SOX6: variants seen among roughly 807,000 people sequenced by gnomAD.
The protein encoded by SOX6 is transcription factor SOX-6.
A neutral mutation model predicts 97.8 loss-of-function variants in SOX6; 11 were observed. The ratio of observed to expected loss-of-function variants is 0.11; its 90% CI spans 0.07 to 0.19. SOX6 has a LOEUF of 0.19. SOX6 is among the 10% of genes least tolerant of loss of function. The pLI is 1.00. For missense variants in SOX6, 810 were observed against 1,039.5 expected (o/e 0.78, Z 3.04); for synonymous variants, 360 against 371.4 (o/e 0.97, Z 0.35).
intron 4 of SOX6, among the ~76,000 whole-genome samples, chr11:16,226,739 AC>A (rs869097040): frequency 3.0e-5 from 1 of 33,146 alleles, no homozygotes; most frequent in South Asian, 3.5e-3. Context: ...ATATTTCTTC[AC>A]CCCTGTCTCT....
chr11:16,456,687 T>C (rs1386915048), intron 1 of SOX6, among the ~76,000 whole-genome samples: 1 of 152,098 alleles, frequency 6.6e-6, no homozygotes, highest in Non-Finnish European at 1.5e-5. Context: ...CCAAAAAGGG[T>C]GCTGAAAAAT....
chr11:16,167,094 C>G (rs370110038), intron 6 of SOX6, among the ~76,000 whole-genome samples: 1 of 152,176 alleles, frequency 6.6e-6, no homozygotes, highest in African/African-American at 2.4e-5. Context: ...AAACGGATCT[C>G]TAATAAGTAT....
At chr11:16,210,677 A>T (rs1276359742) in intron 4 of SOX6, among the ~76,000 whole-genome samples, 1 of 152,224 alleles carries the variant, frequency 6.6e-6, no homozygotes, top group East Asian at 1.9e-4. Flanking sequence ...CAACTACTCC[A>T]AACAGCCTTC....
intron 1 of SOX6, among the ~76,000 whole-genome samples, chr11:16,355,591 C>T (rs546336469): frequency 1.3e-5 from 2 of 152,080 alleles, no homozygotes; most frequent in East Asian, 1.9e-4. Flanking sequence ...CAGTGGTCTG[C>T]TTGTCAGTTG....
chr11:16,524,987 C>G (rs973303220), intron 4 of SOX6, among the ~76,000 whole-genome samples: 45 of 152,284 alleles, frequency 3.0e-4, no homozygotes, highest in African/African-American at 1.0e-3. Flanking sequence ...AAAGAGGATA[C>G]AAACAACTGG....
intron 4 of SOX6, among the ~76,000 whole-genome samples, chr11:16,213,910 A>C (rs1365824887): frequency 1.3e-5 from 2 of 152,222 alleles, no homozygotes; most frequent in Non-Finnish European, 2.9e-5. Flanking sequence ...GGTATCATAG[A>C]AACGTCTTGT....
intron 6 of SOX6, among the ~76,000 whole-genome samples, chr11:16,143,325 C>T (rs1237150513): frequency 1.3e-5 from 2 of 152,148 alleles, no homozygotes; most frequent in African/African-American, 2.4e-5. Context: ...ACCACCAGGC[C>T]TGCCCTAAAA....
intron 6 of SOX6, among the ~76,000 whole-genome samples, chr11:16,136,352 T>G (rs1003752195): frequency 4.0e-5 from 6 of 150,708 alleles, no homozygotes; most frequent in African/African-American, 1.5e-4. Flanking sequence ...TGGTTTTTTT[T>G]TTTTTTTTTT....
intron 1 of SOX6, among the ~76,000 whole-genome samples, chr11:16,413,539 A>G (rs796924089): frequency 0.045 from 1,405 of 31,218 alleles, 30 homozygotes; most frequent in African/African-American, 0.14. Context: ...TTTTTTTTTT[A>G]GATGGAGTTT....
chr11:16,095,557 C>T (rs72866373), intron 9 of SOX6, among the ~76,000 whole-genome samples: 2,001 of 151,906 alleles, frequency 0.013, 15 homozygotes, highest in Non-Finnish European at 0.022. Flanking sequence ...GGTTAAATAA[C>T]TTAACCTCTC....
intron 4 of SOX6, among the ~76,000 whole-genome samples, chr11:16,538,373 T>C (rs1377771981): frequency 6.6e-6 from 1 of 151,752 alleles, no homozygotes; most frequent in South Asian, 2.1e-4. Context: ...GCAAAAACAT[T>C]CCAAGTTGTA....
intron 4 of SOX6, among the ~76,000 whole-genome samples, chr11:16,188,317 G>T (rs966884833): frequency 2.7e-5 from 4 of 150,624 alleles, no homozygotes; most frequent in African/African-American, 9.8e-5. Flanking sequence ...CAAAATTAAA[G>T]GAAAAATAAA....
chr11:16,136,239 C>T (rs541317670), intron 6 of SOX6, among the ~76,000 whole-genome samples: 2 of 151,878 alleles, frequency 1.3e-5, no homozygotes, highest in African/African-American at 4.8e-5. Context: ...AGGATGGTCT[C>T]GATCTCCTGA....
At chr11:16,727,984 G>C (rs186448133) in intron 2 of SOX6, among the ~76,000 whole-genome samples, 2 of 152,092 alleles carry the variant, frequency 1.3e-5, no homozygotes, top group East Asian at 3.9e-4. Context: ...ATATACATCT[G>C]GGTGGAGCCC....
intron 1 of SOX6, among the ~76,000 whole-genome samples, chr11:16,457,506 T>G (rs1590211149): frequency 6.6e-6 from 1 of 151,990 alleles, no homozygotes. Flanking sequence ...TATAATAAAT[T>G]TTCTCTATCC....
chr11:16,063,684 T>C (rs1407356930), intron 9 of SOX6, among the ~76,000 whole-genome samples: 1 of 149,168 alleles, frequency 6.7e-6, no homozygotes, highest in East Asian at 2.0e-4. Flanking sequence ...AGTTTTCCAA[T>C]AATCACCCCA....
chr11:16,548,773 T>C (rs1020580242), intron 4 of SOX6, among the ~76,000 whole-genome samples: 2 of 152,132 alleles, frequency 1.3e-5, no homozygotes, highest in African/African-American at 2.4e-5. Context: ...ATAGTGACTA[T>C]AGTCAATAAC....
chr11:16,462,722 G>A (rs1194039930), intron 1 of SOX6, among the ~76,000 whole-genome samples: 1 of 152,144 alleles, frequency 6.6e-6, no homozygotes. Context: ...TGCTCCTTTG[G>A]TTGAGCCCAA....
chr11:16,372,442 T>C (rs2134394805), intron 1 of SOX6, among the ~76,000 whole-genome samples: 1 of 152,172 alleles, frequency 6.6e-6, no homozygotes, highest in South Asian at 2.1e-4. Context: ...GATGGCAGAC[T>C]TTAAAATTGT....
Sources: gnomAD v4.1 joint callset for allele counts (sites outside exome capture counted in the v4.1 genomes callset) on GRCh38, gnomAD v4.1.1 for gene constraint, MANE v1.5 for transcripts, NCBI Gene and HGNC (gene_info 2026-07-23, HGNC 2026-07-21) for gene names.